Variants in GPC5 observed in about 807,000 individuals in gnomAD.
GPC5 encodes the protein glypican-5.
A neutral mutation model predicts 53.9 loss-of-function variants in GPC5; 47 were observed. That is an observed-to-expected ratio of 0.87 (90% CI 0.69 to 1.11). GPC5 has a LOEUF of 1.11. Among genes scored for constraint, GPC5 ranks in the 50% most tolerant of loss-of-function variants. GPC5 has a pLI of 0.00. For missense variants in GPC5, 748 were observed against 713.1 expected (o/e 1.05, Z -0.56); for synonymous variants, 286 against 263.3 (o/e 1.09, Z -0.84).
chr13:91,901,932 C>T (rs2039501842), intron 5 of GPC5, among the ~76,000 whole-genome samples: 1 of 151,946 alleles, frequency 6.6e-6, no homozygotes, highest in Non-Finnish European at 1.5e-5. Context: ...ACATGGCCCC[C>T]ATTCTCTTTT....
intron 7 of GPC5, among the ~76,000 whole-genome samples, chr13:92,796,155 A>G (rs1876670330): frequency 6.6e-6 from 1 of 152,196 alleles, no homozygotes; most frequent in African/African-American, 2.4e-5. Context: ...AATGTGGCAC[A>G]TATATACCAT....
rs879283508 is a variant in GPC5 at position 92,743,493 on chromosome 13, G to A, written c.1562-122789G>A. On this transcript the variant is annotated intron_variant, in intron 7 of 7. Transcript: ENST00000377067. ...GCTTAAGGAGATTTTGGGCTGAGAC[G>A]ATGGGGTTTTCTAGATATACAATCA... Among the ~76,000 whole-genome samples the A allele has an allele frequency of 1.2e-3, 180 of 152,132 alleles. 6 individuals are homozygous for A. Among genetic ancestry groups the A allele is most frequent in the Middle Eastern group, 3.4e-3 (1 of 294 alleles).
At chr13:92,657,222 A>G (rs2139177143) in intron 7 of GPC5, among the ~76,000 whole-genome samples, 1 of 152,286 alleles carries the variant, frequency 6.6e-6, no homozygotes, top group East Asian at 1.9e-4. Flanking sequence ...TTTAAGATAT[A>G]TTAAAGTTAA....
At chr13:91,821,359 C>G (rs918736364) in intron 5 of GPC5, among the ~76,000 whole-genome samples, 3 of 152,124 alleles carry the variant, frequency 2.0e-5, no homozygotes, top group Admixed American at 2.0e-4. Context: ...CTGTCCTAGA[C>G]GTTTACTTTA....
At chr13:92,061,263 G>T (rs1464962535) in intron 6 of GPC5, among the ~76,000 whole-genome samples, 1 of 152,004 alleles carries the variant, frequency 6.6e-6, no homozygotes, top group Non-Finnish European at 1.5e-5. Context: ...GAAACCTATT[G>T]CATTTGCAAG....
At chr13:92,143,699 G>A (rs1359362998) in intron 6 of GPC5, among the ~76,000 whole-genome samples, 1 of 152,088 alleles carries the variant, frequency 6.6e-6, no homozygotes, top group East Asian at 1.9e-4. Context: ...AAAAGTTTGT[G>A]AATTTCACAA....
At chr13:92,235,474 T>C (rs1337462107) in intron 7 of GPC5, among the ~76,000 whole-genome samples, 6 of 152,164 alleles carry the variant, frequency 3.9e-5, no homozygotes, top group Admixed American at 1.3e-4. Flanking sequence ...CATACCCATA[T>C]TCCACACATT....
At chr13:91,475,613 G>A (rs1250580205) in intron 2 of GPC5, among the ~76,000 whole-genome samples, 2 of 152,186 alleles carry the variant, frequency 1.3e-5, no homozygotes, top group African/African-American at 4.8e-5. Flanking sequence ...AGTCCAAGCA[G>A]ACACAACTGC....
intron 2 of GPC5, among the ~76,000 whole-genome samples, chr13:91,458,994 G>A (rs539190888): frequency 2.6e-5 from 4 of 152,064 alleles, no homozygotes; most frequent in South Asian, 2.1e-4. Context: ...TCACTGATAA[G>A]TGGGAGCTAA....
chr13:91,535,684 A>G (rs1225238350), intron 2 of GPC5, among the ~76,000 whole-genome samples: 3 of 152,112 alleles, frequency 2.0e-5, no homozygotes, highest in Non-Finnish European at 2.9e-5. Flanking sequence ...AATATACATA[A>G]AAAAATGGAC....
chr13:91,513,994 C>G (rs756106357), intron 2 of GPC5, among the ~76,000 whole-genome samples: 1 of 152,178 alleles, frequency 6.6e-6, no homozygotes, highest in African/African-American at 2.4e-5. Flanking sequence ...CTTTTTATTG[C>G]TGAGTAGCAT....
chr13:91,699,056 A>C (rs1278237314), intron 3 of GPC5, among the ~76,000 whole-genome samples: 1 of 152,198 alleles, frequency 6.6e-6, no homozygotes, highest in Admixed American at 6.5e-5. Context: ...ATAGAATGAT[A>C]CCAGAGTTGG....
At chr13:92,671,182 ACT>A (rs780443602) in intron 7 of GPC5, among the ~76,000 whole-genome samples, 2 of 152,072 alleles carry the variant, frequency 1.3e-5, no homozygotes, top group Non-Finnish European at 2.9e-5. Context: ...GTGACATAAA[ACT>A]CTGCAAAATC....
chr13:91,674,790 C>CA (rs2035343451), intron 2 of GPC5, among the ~76,000 whole-genome samples: 1 of 151,308 alleles, frequency 6.6e-6, no homozygotes, highest in African/African-American at 2.4e-5. Flanking sequence ...TATTTTTAGA[C>CA]ATTAAAACAT....
chr13:91,846,568 GAAGT>G (rs1196627165), intron 5 of GPC5, among the ~76,000 whole-genome samples: 1 of 151,998 alleles, frequency 6.6e-6, no homozygotes, highest in Admixed American at 6.6e-5. Context: ...TTCACCGAGA[GAAGT>G]AAGTACTAGT....
chr13:91,662,933 A>G (rs1267390191), intron 2 of GPC5, among the ~76,000 whole-genome samples: 2 of 152,192 alleles, frequency 1.3e-5, no homozygotes, highest in Admixed American at 1.3e-4. Context: ...AGCAAAACAG[A>G]GAGAGATGGA....
At chr13:91,974,608 T>C (rs868014947) in intron 6 of GPC5, among the ~76,000 whole-genome samples, 1 of 151,880 alleles carries the variant, frequency 6.6e-6, no homozygotes, top group Non-Finnish European at 1.5e-5. Flanking sequence ...CACTGCTCAA[T>C]GAAATAAAAG....
intron 6 of GPC5, among the ~76,000 whole-genome samples, chr13:91,937,941 T>C (rs986825852): frequency 1.3e-5 from 2 of 152,020 alleles, no homozygotes; most frequent in Non-Finnish European, 2.9e-5. Flanking sequence ...ATCTGATATG[T>C]AAGTATGTTG....
At chr13:91,824,699 C>G (rs1185172765) in intron 5 of GPC5, among the ~76,000 whole-genome samples, 2 of 151,868 alleles carry the variant, frequency 1.3e-5, no homozygotes, top group Admixed American at 1.3e-4. Flanking sequence ...TTCTTTGTCC[C>G]CTTCCCACTT....
Sources: allele counts gnomAD v4.1 joint callset (sites outside exome capture counted in the v4.1 genomes callset), GRCh38; gene constraint gnomAD v4.1.1; transcripts MANE v1.5; gene names NCBI Gene and HGNC (gene_info 2026-07-23, HGNC 2026-07-21).